Variants in TTC6 observed in about 807,000 individuals in gnomAD.
The protein encoded by TTC6 is tetratricopeptide repeat protein 6.
A neutral mutation model predicts 210.4 loss-of-function variants in TTC6; 172 were observed. The observed-to-expected ratio is 0.82, with a 90% confidence interval of 0.72 to 0.93. The LOEUF (loss-of-function observed/expected upper bound fraction) is 0.93. TTC6 is among the 40% of genes least tolerant of loss of function. The pLI is 0.00. For synonymous variants in TTC6, 804 were observed against 819.6 expected, an observed-to-expected ratio of 0.98 and a Z score of 0.32; for missense variants, 2,414 against 2,318.1, an observed-to-expected ratio of 1.04 and a Z score of -0.85.
intron 1 of TTC6, among the ~76,000 whole-genome samples, chr14:37,636,460 C>G (rs2095680943): frequency 6.6e-6 from 1 of 151,892 alleles, no homozygotes; most frequent in African/African-American, 2.4e-5. Context: ...AAATTGATAA[C>G]AAAATGATGA....
chr14:37,694,156 TA>T (rs1212639993), intron 3 of TTC6, among the ~76,000 whole-genome samples: 1 of 152,008 alleles, frequency 6.6e-6, no homozygotes, highest in Non-Finnish European at 1.5e-5. Context: ...ATACAATCAG[TA>T]AAGTGAAGAG....
intron 1 of TTC6, among the ~76,000 whole-genome samples, chr14:37,646,490 G>A (rs552022728): frequency 1.3e-5 from 2 of 152,146 alleles, no homozygotes; most frequent in African/African-American, 4.8e-5. Flanking sequence ...AGTAATACAA[G>A]AAGACATGAA....
At chr14:37,772,892 C>T (rs930679036) in intron 14 of TTC6, among the ~76,000 whole-genome samples, 1 of 152,152 alleles carries the variant, frequency 6.6e-6, no homozygotes, top group African/African-American at 2.4e-5. Flanking sequence ...TATAAGCATT[C>T]CCTTTTCTTG....
intron 9 of TTC6, 30 bp from the exon 12 acceptor site, chr14:37,738,745 GT>G: frequency 7.1e-7 from 1 of 1,409,412 alleles, no homozygotes; most frequent in Non-Finnish European, 9.2e-7. Context: ...TTGATTTTAC[GT>G]TTTTTCTACC....
At chr14:37,747,307 C>T (rs542682265) in intron 10 of TTC6, among the ~76,000 whole-genome samples, 1 of 152,194 alleles carries the variant, frequency 6.6e-6, no homozygotes. Flanking sequence ...GTGAACATCC[C>T]AATCACAAAC....
chr14:37,670,913 T>C (rs765437113), intron 1 of TTC6, among the ~76,000 whole-genome samples: 4 of 152,212 alleles, frequency 2.6e-5, no homozygotes, highest in African/African-American at 7.2e-5. Context: ...TTAGGTTCTT[T>C]AGGAAATGCC....
intron 14 of TTC6, among the ~76,000 whole-genome samples, chr14:37,765,960 A>G (rs978305108): frequency 5.3e-5 from 8 of 152,076 alleles, no homozygotes; most frequent in African/African-American, 1.9e-4. Context: ...GGTGCTTTCA[A>G]TATTCTCTCC....
At chr14:37,739,130 T>G in exon 10 of TTC6, 2 of 1,511,224 alleles carry the variant, frequency 1.3e-6, no homozygotes, top group Non-Finnish European at 8.8e-7. Context: ...TGAAGAGTTA[T>G]CCAAGCCTCC....
At chr14:37,683,116 G>A (rs1276679771) in intron 3 of TTC6, among the ~76,000 whole-genome samples, 152 bp downstream of exon 5, 2 of 152,108 alleles carry the variant, frequency 1.3e-5, no homozygotes, top group African/African-American at 4.8e-5. Flanking sequence ...AGAAGTGCAA[G>A]TTGCCCACTT....
At chr14:37,758,146 T>G (rs1445667815) in intron 14 of TTC6, among the ~76,000 whole-genome samples, 1 of 152,224 alleles carries the variant, frequency 6.6e-6, no homozygotes, top group Non-Finnish European at 1.5e-5. Context: ...CTGAGAAGAA[T>G]GTATATTCTG....
intron 3 of TTC6, among the ~76,000 whole-genome samples, chr14:37,696,244 A>G (rs946161734): frequency 2.0e-5 from 3 of 152,192 alleles, no homozygotes; most frequent in Admixed American, 6.5e-5. Flanking sequence ...TCAAAAAAAT[A>G]TAGAGAAACC....
chr14:37,770,739 G>A (rs1234043095), intron 14 of TTC6, among the ~76,000 whole-genome samples: 2 of 147,078 alleles, frequency 1.4e-5, no homozygotes, highest in African/African-American at 5.0e-5. Flanking sequence ...CACACTGATG[G>A]GTCTTGACTC....
At chr14:37,698,319 T>G (rs1031896803) in intron 4 of TTC6, among the ~76,000 whole-genome samples, 2 of 152,182 alleles carry the variant, frequency 1.3e-5, no homozygotes, top group African/African-American at 2.4e-5. Flanking sequence ...CAAGGGAAAT[T>G]TATTTGCTTA....
chr14:37,829,801 T>A (rs2096180390), intron 29 of TTC6, among the ~76,000 whole-genome samples: 1 of 152,124 alleles, frequency 6.6e-6, no homozygotes, highest in African/African-American at 2.4e-5. Flanking sequence ...GAATAGTTAC[T>A]GTGGGTTCAC....
chr14:37,820,963 C>T (rs1042004759), intron 26 of TTC6, among the ~76,000 whole-genome samples: 1 of 151,050 alleles, frequency 6.6e-6, no homozygotes, highest in African/African-American at 2.4e-5. Flanking sequence ...CCTTCTCCTC[C>T]TCCTCCTCTT....
intron 22 of TTC6, 132 bp from the exon 25 acceptor site, chr14:37,807,188 A>G (rs118144493): frequency 0.017 from 14,729 of 845,494 alleles, 172 homozygotes; most frequent in Non-Finnish European, 0.02. Flanking sequence ...AATAAAAGAA[A>G]AATTTTAAAA....
At chr14:37,779,911 G>GA (rs1314038007) in intron 14 of TTC6, among the ~76,000 whole-genome samples, 1 of 152,126 alleles carries the variant, frequency 6.6e-6, no homozygotes, top group African/African-American at 2.4e-5. Flanking sequence ...AAGTTTTTGA[G>GA]AAAGTAGGTC....
At chr14:37,632,537 G>C (rs1044163970) in intron 1 of TTC6, among the ~76,000 whole-genome samples, 1 of 152,182 alleles carries the variant, frequency 6.6e-6, no homozygotes, top group East Asian at 1.9e-4. Flanking sequence ...GAGCTCTGCT[G>C]TATGAAGTGT....
At chr14:37,613,424 G>A (rs535321098) in intron 2 of TTC6, among the ~76,000 whole-genome samples, 35 of 152,058 alleles carry the variant, frequency 2.3e-4, no homozygotes, top group Admixed American at 4.6e-4. Flanking sequence ...GCATGTATGC[G>A]CATAAGGAAT....
Sources: gnomAD v4.1 joint callset for allele counts (sites outside exome capture counted in the v4.1 genomes callset) on GRCh38, gnomAD v4.1.1 for gene constraint, MANE v1.5 for transcripts, NCBI Gene and HGNC (gene_info 2026-07-23, HGNC 2026-07-21) for gene names.